The following MICU3 variants were observed in gnomAD, a reference collection of about 807,000 sequenced individuals.
MICU3 encodes the protein mitochondrial calcium uptake 3.
Under a neutral mutation model 66.5 loss-of-function variants are expected in MICU3, and 62 were observed. The ratio of observed to expected loss-of-function variants is 0.93; its 90% CI spans 0.76 to 1.15. The LOEUF is 1.15. Among genes scored for constraint, MICU3 ranks in the 50% most tolerant of loss-of-function variants. The probability of loss-of-function intolerance (pLI) is 0.00; values close to 1 mark genes in which losing one functional copy is unlikely to be tolerated. For synonymous variants in MICU3, 308 were observed against 240.7 expected (o/e 1.28, Z -2.59); for missense variants, 779 against 664.4 (o/e 1.17, Z -1.90).
At chr8:17,034,160 C>G (rs1024470508) in intron 1 of MICU3, among the ~76,000 whole-genome samples, 1 of 152,296 alleles carries the variant, frequency 6.6e-6, no homozygotes, top group Non-Finnish European at 1.5e-5. Context: ...TATGCTAAAT[C>G]TATGCTACCT....
intron 1 of MICU3, among the ~76,000 whole-genome samples, chr8:17,037,835 G>T (rs1813310691): frequency 6.6e-6 from 1 of 152,254 alleles, no homozygotes. Context: ...CTACCTCTTG[G>T]ATCAGTGTGA....
chr8:17,086,929 T>TTGGATA (rs1355595098), intron 6 of MICU3, 35 bp from the exon 7 acceptor site: 7 of 1,438,894 alleles, frequency 4.9e-6, no homozygotes, highest in Non-Finnish European at 6.8e-6. Flanking sequence ...GAAACTCTTG[T>TTGGATA]TGGATATTTG....
At position 17,077,836 on chromosome 8, in the gene MICU3, G is replaced by C; in HGVS notation, c.621G>C (p.Lys207Asn). The C allele has an allele frequency of 6.2e-7, 1 of 1,611,408 alleles. No individual in the cohort carries two copies. Among genetic ancestry groups the C allele is most frequent in the Non-Finnish European group, 8.5e-7 (1 of 1,178,288 alleles). Residue 207 changes from lysine to asparagine, a missense_variant, in exon 4 of 15, where the codon AAG becomes AAC. Transcript: ENST00000318063. ...CACCAGTTTGGAAAGGCTCATCGAAGCTATTTCGAAATCTTAAAGAAAAAG... is the reference window on the plus strand; with the variant it reads ...CACCAGTTTGGAAAGGCTCATCGAACCTATTTCGAAATCTTAAAGAAAAAG... ...ETPPVWKGSS[K>N]LFRNLKEKGV...
chr8:17,047,362 A>T (rs184749207), intron 1 of MICU3, among the ~76,000 whole-genome samples: 3 of 152,346 alleles, frequency 2.0e-5, no homozygotes, highest in East Asian at 3.9e-4. Flanking sequence ...TATTTTTAAC[A>T]TGTGGAAAAT....
chr8:17,082,529 C>A (rs529589769), intron 5 of MICU3, among the ~76,000 whole-genome samples: 3 of 152,258 alleles, frequency 2.0e-5, no homozygotes, highest in African/African-American at 7.2e-5. Flanking sequence ...TGTCTCCCCA[C>A]ACTTGAATGC....
chr8:17,096,455 A>G (rs1800698222), intron 8 of MICU3, among the ~76,000 whole-genome samples: 1 of 152,012 alleles, frequency 6.6e-6, no homozygotes, highest in African/African-American at 2.4e-5. Flanking sequence ...TGTTTAAAAC[A>G]TTTAAAACTG....
chr8:17,032,270 C>G (rs1017715227), intron 1 of MICU3, among the ~76,000 whole-genome samples: 5 of 152,030 alleles, frequency 3.3e-5, no homozygotes, highest in African/African-American at 1.2e-4. Flanking sequence ...TGGCTTTGGC[C>G]TTTATTTATA....
chr8:17,101,675 AC>A (rs1208835687), intron 9 of MICU3, among the ~76,000 whole-genome samples: 2 of 151,866 alleles, frequency 1.3e-5, no homozygotes, highest in Admixed American at 1.3e-4. Flanking sequence ...CTGTAAGAAA[AC>A]ATTCCTTAAT....
intron 11 of MICU3, among the ~76,000 whole-genome samples, chr8:17,113,552 C>T (rs776578498): frequency 6.6e-6 from 1 of 152,178 alleles, no homozygotes; most frequent in African/African-American, 2.4e-5. Flanking sequence ...CTTCCTGCCA[C>T]TGCCCTGGCA....
chr8:17,036,535 T>A (rs1393558940), intron 1 of MICU3, among the ~76,000 whole-genome samples: 1 of 152,062 alleles, frequency 6.6e-6, no homozygotes, highest in African/African-American at 2.4e-5. Flanking sequence ...CTGAGCTAGA[T>A]ACAAAGGTTC....
chr8:17,118,930 T>G (rs1802955405), intron 14 of MICU3, among the ~76,000 whole-genome samples, 155 bp downstream of exon 14: 1 of 152,244 alleles, frequency 6.6e-6, no homozygotes, highest in Admixed American at 6.5e-5. Context: ...TGAAAAATTT[T>G]ACGTTAAACC....
In MICU3 at chr8:17,104,781, G is replaced by T. The variant is rs1175483932; in HGVS notation, c.1085+290G>T. Among the ~76,000 whole-genome samples the T allele has an allele frequency of 2.1e-5, 2 of 94,474 alleles. 1 individual carries two copies. Among genetic ancestry groups the T allele is most frequent in the Non-Finnish European group, 3.7e-5 (2 of 53,484 alleles). The allele number at this position is 94,474 out of a possible 152,430, so 62.0% of individuals were successfully genotyped here. ...GAGGCCGAGGCGGGCGGATCACGAG[G>T]TCAGGAGATCGAGACCATCCTGGCT... is the stretch of plus-strand genomic sequence containing the variant. On this transcript the variant is annotated intron_variant, in intron 10 of 14. Coordinates refer to ENST00000318063, the MANE Select transcript of MICU3 (RefSeq NM_181723.3).
At chr8:17,128,835 G>A in the MICU3 span, among the ~76,000 whole-genome samples, 1 of 152,120 alleles carries the variant, frequency 6.6e-6, no homozygotes, top group Non-Finnish European at 1.5e-5. Context: ...AAATTTATGG[G>A]ACAGAGTACC....
the MICU3 span, chr8:17,131,697 G>T: frequency 2.0e-5 from 3 of 152,328 alleles, no homozygotes; most frequent in African/African-American, 7.2e-5. Flanking sequence ...TAAGCATGCA[G>T]GGGAGGGTGG....
chr8:17,074,590 C>CGT (rs35861279), intron 3 of MICU3, among the ~76,000 whole-genome samples: 15,061 of 141,828 alleles, frequency 0.11, 876 homozygotes, highest in East Asian at 0.24. Context: ...GATGTTAAAA[C>CGT]GTGTGTGTGT....
At chr8:17,045,430 A>T (rs1189290087) in intron 1 of MICU3, among the ~76,000 whole-genome samples, 2 of 152,170 alleles carry the variant, frequency 1.3e-5, no homozygotes, top group African/African-American at 4.8e-5. Flanking sequence ...GGTTTAGATC[A>T]TATCTTTTTT....
At chr8:17,108,770 C>G (rs939171356) in intron 11 of MICU3, among the ~76,000 whole-genome samples, 7 of 152,146 alleles carry the variant, frequency 4.6e-5, no homozygotes, top group African/African-American at 1.7e-4. Flanking sequence ...ATGTTTTTGA[C>G]TGTGATTTCG....
intron 1 of MICU3, among the ~76,000 whole-genome samples, chr8:17,047,164 T>C (rs570757726): frequency 3.9e-5 from 6 of 152,248 alleles, no homozygotes; most frequent in Non-Finnish European, 8.8e-5. Flanking sequence ...AATGAAAAAT[T>C]AGCATGAAAA....
intron 5 of MICU3, among the ~76,000 whole-genome samples, chr8:17,084,261 T>C (rs1237713433): frequency 6.6e-6 from 1 of 152,134 alleles, no homozygotes; most frequent in East Asian, 1.9e-4. Flanking sequence ...CTTTTTAAAG[T>C]GTAAAACTCG....
Sources: gnomAD v4.1 joint callset for allele counts (sites outside exome capture counted in the v4.1 genomes callset) on GRCh38, gnomAD v4.1.1 for gene constraint, MANE v1.5 for transcripts, NCBI Gene and HGNC (gene_info 2026-07-23, HGNC 2026-07-21) for gene names.